Variants in MDGA2 observed in about 807,000 individuals in gnomAD.
MDGA2 encodes MAM domain-containing glycosylphosphatidylinositol anchor protein 2.
In MDGA2, 40 loss-of-function variants were observed where a neutral mutation model predicts 117.8. The observed-to-expected ratio is 0.34, with a 90% confidence interval of 0.26 to 0.44. The LOEUF (loss-of-function observed/expected upper bound fraction) is 0.44. MDGA2 is among the 20% of genes least tolerant of loss of function. The pLI is 1.00. For missense variants in MDGA2, 1,123 were observed against 1,250.6 expected (o/e 0.90, Z 1.54); for synonymous variants, 452 against 439.0 (o/e 1.03, Z -0.37).
intron 1 of MDGA2, among the ~76,000 whole-genome samples, chr14:47,589,175 G>A (rs1171890638): frequency 2.0e-5 from 3 of 151,858 alleles, no homozygotes; most frequent in East Asian, 3.9e-4. Flanking sequence ...CATCTTTGTG[G>A]GGCAGTTATT....
At chr14:46,960,877 GT>G (rs1017385204) in intron 8 of MDGA2, among the ~76,000 whole-genome samples, 3 of 116,574 alleles carry the variant, frequency 2.6e-5, no homozygotes, top group African/African-American at 1.3e-4. Flanking sequence ...ATATACACAT[GT>G]TTTATATATA....
At chr14:47,128,401 T>G (rs1882013591) in intron 5 of MDGA2, among the ~76,000 whole-genome samples, 1 of 152,144 alleles carries the variant, frequency 6.6e-6, no homozygotes, top group South Asian at 2.1e-4. Flanking sequence ...CATTCCATAG[T>G]AATTCTTTTA....
chr14:47,639,977 G>A (rs894566114), intron 1 of MDGA2, among the ~76,000 whole-genome samples: 4 of 152,122 alleles, frequency 2.6e-5, no homozygotes, highest in African/African-American at 9.7e-5. Flanking sequence ...AAGAATGGAA[G>A]GTAAGTATAT....
At chr14:47,268,741 C>G (rs901632674) in intron 2 of MDGA2, among the ~76,000 whole-genome samples, 1 of 152,100 alleles carries the variant, frequency 6.6e-6, no homozygotes, top group South Asian at 2.1e-4. Flanking sequence ...CTGTGATGAT[C>G]TGATGATACT....
chr14:46,859,045 T>C (rs1294653196), intron 14 of MDGA2, among the ~76,000 whole-genome samples: 1 of 152,160 alleles, frequency 6.6e-6, no homozygotes, highest in East Asian at 1.9e-4. Context: ...TTGCCCTAAA[T>C]TCTCTAACTT....
At chr14:47,615,808 A>G (rs1896938762) in intron 1 of MDGA2, among the ~76,000 whole-genome samples, 1 of 152,178 alleles carries the variant, frequency 6.6e-6, no homozygotes, top group Non-Finnish European at 1.5e-5. Context: ...ATTGTAAAGT[A>G]TGACTGAAAT....
chr14:47,473,266 T>C (rs1158208971), intron 1 of MDGA2, among the ~76,000 whole-genome samples: 1 of 152,140 alleles, frequency 6.6e-6, no homozygotes, highest in Non-Finnish European at 1.5e-5. Context: ...TTTTGAGTAG[T>C]TAGAGCTAGG....
At chr14:47,008,204 C>A (rs529456195) in intron 8 of MDGA2, among the ~76,000 whole-genome samples, 1 of 151,704 alleles carries the variant, frequency 6.6e-6, no homozygotes, top group Non-Finnish European at 1.5e-5. Context: ...AAACAAAAAA[C>A]GTTTCAGAGG....
chr14:47,229,470 C>T (rs1476080212), intron 2 of MDGA2, among the ~76,000 whole-genome samples: 1 of 151,894 alleles, frequency 6.6e-6, no homozygotes, highest in African/African-American at 2.4e-5. Flanking sequence ...AGCAGGCAAA[C>T]AATTTTTAAT....
intron 1 of MDGA2, among the ~76,000 whole-genome samples, chr14:47,337,810 G>A (rs941891594): frequency 1.3e-5 from 2 of 151,924 alleles, no homozygotes; most frequent in African/African-American, 4.8e-5. Context: ...ACCAGACTGT[G>A]TATGTTAATG....
intron 3 of MDGA2, among the ~76,000 whole-genome samples, chr14:47,208,014 T>A (rs1290685987): frequency 6.6e-6 from 1 of 152,020 alleles, no homozygotes; most frequent in African/African-American, 2.4e-5. Context: ...TCAGATGTAC[T>A]CTCTGACACC....
intron 11 of MDGA2, among the ~76,000 whole-genome samples, chr14:46,879,285 C>G (rs568325581): frequency 1.3e-5 from 2 of 151,984 alleles, no homozygotes; most frequent in East Asian, 3.9e-4. Context: ...GAGCTCTCAC[C>G]AGAAGCTAAC....
chr14:47,239,600 C>T (rs1025048715), intron 2 of MDGA2, among the ~76,000 whole-genome samples: 1 of 151,660 alleles, frequency 6.6e-6, no homozygotes, highest in African/African-American at 2.4e-5. Context: ...GGAACACATA[C>T]CAAAAGGAGC....
In MDGA2 at chr14:46,884,181, T is replaced by TA. The variant is rs1882578994; in HGVS notation, c.2239-1961dup. ...TGTGAAACTCTTTGGTGTCACAAAT[T>TA]AGAGTGGAGAAGATCCCTTGCTTTG... On this transcript the variant is annotated intron_variant, in intron 10 of 16. Coordinates refer to ENST00000399232, the MANE Select transcript of MDGA2 (RefSeq NM_001113498.3). This position sits in a 1 kb window ranked among gnomAD's most constrained non-coding sequence, Gnocchi z 4.1. Among the ~76,000 whole-genome samples, 2 of 152,110 alleles carry TA rather than the reference T, an allele frequency of 1.3e-5. No individual in the cohort carries two copies. Among genetic ancestry groups the TA allele is most frequent in the South Asian group, 2.1e-4 (1 of 4,828 alleles).
chr14:46,887,815 T>C (rs190965302), intron 10 of MDGA2, among the ~76,000 whole-genome samples: 1 of 152,060 alleles, frequency 6.6e-6, no homozygotes, highest in Non-Finnish European at 1.5e-5. Context: ...TTTTAAAAGA[T>C]AGATAAAATC....
At chr14:46,939,197 T>C (rs1347639957) in intron 9 of MDGA2, among the ~76,000 whole-genome samples, 2 of 152,180 alleles carry the variant, frequency 1.3e-5, no homozygotes, top group African/African-American at 4.8e-5. Context: ...TAGTGTTCTA[T>C]AGCACTGTAG....
intron 3 of MDGA2, among the ~76,000 whole-genome samples, chr14:47,171,727 T>C (rs991056698): frequency 2.6e-5 from 4 of 152,158 alleles, no homozygotes; most frequent in African/African-American, 9.7e-5. Flanking sequence ...ACACAGAAGA[T>C]GGGAGATTTC....
intron 9 of MDGA2, among the ~76,000 whole-genome samples, chr14:46,931,233 A>C (rs1292347395): frequency 6.6e-6 from 1 of 151,694 alleles, no homozygotes; most frequent in East Asian, 1.9e-4. Context: ...AAAAAAAAAA[A>C]AAACTCAAAA....
chr14:47,511,377 T>G (rs1007741359), intron 1 of MDGA2, among the ~76,000 whole-genome samples: 4 of 152,148 alleles, frequency 2.6e-5, no homozygotes, highest in African/African-American at 9.7e-5. Flanking sequence ...ATTTAAAAAT[T>G]TATATGATGT....
Sources: allele counts gnomAD v4.1 joint callset (sites outside exome capture counted in the v4.1 genomes callset), GRCh38; gene constraint gnomAD v4.1.1; non-coding constraint Gnocchi (gnomAD v3.1); transcripts MANE v1.5; gene names NCBI Gene and HGNC (gene_info 2026-07-23, HGNC 2026-07-21).